The following TAFA4 variants were observed in gnomAD, a reference collection of about 807,000 sequenced individuals.
TAFA4 encodes TAFA chemokine like family member 4.
A neutral mutation model predicts 21.1 loss-of-function variants in TAFA4; 20 were observed. The observed-to-expected ratio is 0.95, with a 90% CI of 0.67 to 1.38. TAFA4 has a LOEUF of 1.38. TAFA4 is among the 40% of genes most tolerant of loss of function. The probability of loss-of-function intolerance (pLI) is 0.00; values close to 1 mark genes in which losing one functional copy is unlikely to be tolerated. For missense variants in TAFA4, 211 were observed against 180.9 expected, an observed-to-expected ratio of 1.17 and a Z score of -0.95; for synonymous variants, 71 against 67.4, an observed-to-expected ratio of 1.05 and a Z score of -0.26.
chr3:68,898,026 A>G (rs1257102933), intron 1 of TAFA4, among the ~76,000 whole-genome samples: 1 of 152,202 alleles, frequency 6.6e-6, no homozygotes, highest in African/African-American at 2.4e-5. Context: ...GGTTTAAGGT[A>G]AATACGAATG....
At chr3:68,758,825 C>T (rs775371520) in intron 3 of TAFA4, among the ~76,000 whole-genome samples, 1 of 152,060 alleles carries the variant, frequency 6.6e-6, no homozygotes, top group Non-Finnish European at 1.5e-5. Flanking sequence ...TTCAGCAGCT[C>T]GTGTTATAAC....
rs571136878 is a variant in TAFA4, at chr3:68,925,933, C to CA, written c.-123+6306dup. Among the ~76,000 whole-genome samples, 315 of 152,260 alleles carry CA rather than the reference C, an allele frequency of 2.1e-3. 1 individual carries two copies. Among genetic ancestry groups the CA allele is most frequent in the African/African-American group, 7.3e-3 (304 of 41,552 alleles). ...CATATGATGTATGAACCCCGTTATT[C>CA]AAAATTGTCAGGTCTAAGCCGGGCA... On this transcript the variant is annotated intron_variant, in intron 1 of 5. Transcript: ENST00000295569.
At chr3:68,741,686 G>T (rs1029442393) in intron 4 of TAFA4, among the ~76,000 whole-genome samples, 1 of 152,122 alleles carries the variant, frequency 6.6e-6, no homozygotes, top group Non-Finnish European at 1.5e-5. Context: ...AAGCTACTTA[G>T]GAGGCTGAGG....
intron 3 of TAFA4, among the ~76,000 whole-genome samples, chr3:68,834,542 A>G (rs1443200841): frequency 6.6e-6 from 1 of 152,076 alleles, no homozygotes; most frequent in Admixed American, 6.6e-5. Context: ...TTACCATCTT[A>G]TATCTTTTTT....
intron 3 of TAFA4, among the ~76,000 whole-genome samples, chr3:68,855,798 A>C (rs1301654954): frequency 1.3e-5 from 2 of 152,056 alleles, no homozygotes; most frequent in African/African-American, 2.4e-5. Flanking sequence ...GATTCATTCC[A>C]AAGTGGTCAA....
intron 1 of TAFA4, among the ~76,000 whole-genome samples, chr3:68,923,584 C>T (rs534974396): frequency 6.6e-6 from 1 of 152,182 alleles, no homozygotes; most frequent in South Asian, 2.1e-4. Flanking sequence ...TTTGAGGCAG[C>T]ACTAATATTA....
intron 3 of TAFA4, among the ~76,000 whole-genome samples, chr3:68,866,884 T>A (rs1407117375): frequency 2.7e-5 from 4 of 149,692 alleles, no homozygotes; most frequent in Non-Finnish European, 4.5e-5. Flanking sequence ...ATAGAAAAAA[T>A]AAAAAAAGAA....
At chr3:68,795,964 T>C (rs1485419720) in intron 3 of TAFA4, among the ~76,000 whole-genome samples, 1 of 152,136 alleles carries the variant, frequency 6.6e-6, no homozygotes, top group Non-Finnish European at 1.5e-5. Context: ...ACTTGTAAAG[T>C]ACCACGTTGG....
chr3:68,822,145 T>C (rs1704126988), intron 3 of TAFA4, among the ~76,000 whole-genome samples: 2 of 151,990 alleles, frequency 1.3e-5, no homozygotes, highest in Non-Finnish European at 2.9e-5. Context: ...TATTGACTTT[T>C]TTAAAAAAAA....
chr3:68,860,330 G>T (rs1397771070), intron 3 of TAFA4, among the ~76,000 whole-genome samples: 2 of 151,866 alleles, frequency 1.3e-5, no homozygotes, highest in African/African-American at 4.8e-5. Flanking sequence ...CACTCTTTAG[G>T]TTTTCACCTA....
chr3:68,745,814 T>C (rs1047589707), intron 4 of TAFA4, among the ~76,000 whole-genome samples: 10 of 152,234 alleles, frequency 6.6e-5, no homozygotes, highest in Non-Finnish European at 1.5e-4. Flanking sequence ...ATGAGTTGGA[T>C]TCTTACTTGC....
chr3:68,844,964 C>T (rs146023953), intron 3 of TAFA4, among the ~76,000 whole-genome samples: 1 of 152,252 alleles, frequency 6.6e-6, no homozygotes, highest in East Asian at 1.9e-4. Context: ...AGAATAAGTG[C>T]AATGTGGTGC....
chr3:68,785,416 G>A (rs1009678060), intron 3 of TAFA4, among the ~76,000 whole-genome samples: 1 of 152,250 alleles, frequency 6.6e-6, no homozygotes, highest in Non-Finnish European at 1.5e-5. Context: ...AGAGGAGCAG[G>A]GGAAGGCTCA....
rs1407835545 is a variant in TAFA4, at chr3:68,880,823, C to T, written c.37G>A (p.Val13Met). The T allele has an allele frequency of 1.2e-6, 2 of 1,613,572 alleles. No individual in the cohort carries two copies. The highest frequency in any genetic ancestry group is 2.2e-5 in the East Asian group (1 of 44,836). ...SPRMRVCAKS[V>M]LLSHWLFLAY... The stretch of plus-strand genomic sequence containing the variant: ...AGAAAGAGCCAGTGCGACAGCAACA[C>T]TGACTTAGCACAGACTCTCATCCTG... Residue 13 changes from valine (V) to methionine (M), a missense_variant, in exon 3 of 6, where the codon GTG becomes ATG. Physicochemically the swap from Val to Met is conservative, Grantham distance 21. Transcript: ENST00000295569.
chr3:68,754,593 G>A (rs1178553198), intron 3 of TAFA4, among the ~76,000 whole-genome samples: 2 of 152,090 alleles, frequency 1.3e-5, no homozygotes, highest in Non-Finnish European at 2.9e-5. Context: ...TAATTAAATG[G>A]TTAGGATGGT....
chr3:68,921,977 T>C (rs2090064492), intron 1 of TAFA4, among the ~76,000 whole-genome samples: 1 of 152,168 alleles, frequency 6.6e-6, no homozygotes, highest in Non-Finnish European at 1.5e-5. Flanking sequence ...CAAAATCAGT[T>C]TCTCGGGCAC....
At position 68,752,881 on chromosome 3, in the gene TAFA4, G is replaced by T; in HGVS notation, c.268C>A (p.Gln90Lys). The change falls in exon 4 of 6, where the codon CAA becomes AAA. Residue 90 changes from glutamine to lysine, a missense_variant. By Grantham distance (53) the Gln-to-Lys change is moderately conservative. Transcript: ENST00000295569. ...GTCTTACCTTCAACACAAGAAGGTT[G>T]AGCCCGAGTTGTGCCCGCCACCTGT... ...PGQVAGTTRA[Q>K]PSCVEASIVI... 2 of 1,614,036 alleles carry T rather than the reference G, an allele frequency of 1.2e-6. No homozygotes were observed. Among genetic ancestry groups the T allele is most frequent in the Non-Finnish European group, 1.7e-6 (2 of 1,180,018 alleles).
intron 3 of TAFA4, among the ~76,000 whole-genome samples, chr3:68,816,313 A>T (rs959356730): frequency 6.6e-6 from 1 of 152,194 alleles, no homozygotes; most frequent in Admixed American, 6.5e-5. Context: ...CTTAATGTAT[A>T]ATTAAAAAAA....
chr3:68,821,677 T>C (rs1385642474), intron 3 of TAFA4, among the ~76,000 whole-genome samples: 1 of 152,052 alleles, frequency 6.6e-6, no homozygotes, highest in Non-Finnish European at 1.5e-5. Flanking sequence ...ATATGAGTTC[T>C]TCAAGGCACT....
Sources: gnomAD v4.1 joint callset for allele counts (sites outside exome capture counted in the v4.1 genomes callset) on GRCh38, gnomAD v4.1.1 for gene constraint, MANE v1.5 for transcripts, NCBI Gene and HGNC (gene_info 2026-07-23, HGNC 2026-07-21) for gene names.